Variants in RAB7A observed in about 807,000 individuals in gnomAD.
RAB7A encodes the protein ras-related protein Rab-7a.
In RAB7A, 2 loss-of-function variants were observed where a neutral mutation model predicts 24.5. That is an observed-to-expected ratio of 0.08 (90% CI 0.03 to 0.26). The LOEUF (loss-of-function observed/expected upper bound fraction) is 0.26. Among genes scored for constraint, RAB7A ranks in the 10% least tolerant of loss-of-function variants. The pLI is 1.00. For missense variants in RAB7A, 118 were observed against 255.7 expected, an observed-to-expected ratio of 0.46 and a Z score of 3.67; for synonymous variants, 100 against 95.9, an observed-to-expected ratio of 1.04 and a Z score of -0.25.
intron 5 of RAB7A, among the ~76,000 whole-genome samples, chr3:128,811,814 A>T (rs1012278924): frequency 1.3e-5 from 2 of 151,422 alleles, no homozygotes; most frequent in African/African-American, 4.9e-5. Flanking sequence ...ATGCCATTGC[A>T]CTCCAGCCTG....
chr3:128,731,009 T>C (rs1295771242), intron 1 of RAB7A, among the ~76,000 whole-genome samples: 1 of 152,228 alleles, frequency 6.6e-6, no homozygotes, highest in Non-Finnish European at 1.5e-5. Flanking sequence ...GTCCTTCTTG[T>C]GTGGCTGCTG....
At chr3:128,762,493 A>C (rs146455001) in intron 1 of RAB7A, among the ~76,000 whole-genome samples, 54 of 152,178 alleles carry the variant, frequency 3.5e-4, no homozygotes, top group African/African-American at 1.2e-3. Context: ...CCTACTTCCC[A>C]CCGTGACCCT....
intron 1 of RAB7A, among the ~76,000 whole-genome samples, chr3:128,751,534 C>T (rs1481076926): frequency 6.6e-6 from 1 of 152,188 alleles, no homozygotes; most frequent in Non-Finnish European, 1.5e-5. Flanking sequence ...TTCTACCATT[C>T]AGAACAGCTG....
chr3:128,733,375 T>C (rs1420983851), intron 1 of RAB7A, among the ~76,000 whole-genome samples: 1 of 152,246 alleles, frequency 6.6e-6, no homozygotes, highest in Non-Finnish European at 1.5e-5. Flanking sequence ...TGTACAGTTG[T>C]AACTGGAGTT....
rs147257159 is a variant in RAB7A, at chr3:128,761,469, A to G, written c.-8-33891A>G. 1.2e-3 allele frequency among the ~76,000 whole-genome samples: 187 copies of G among 152,280 alleles called. 1 individual carries two copies. The highest frequency in any genetic ancestry group is 4.1e-3 in the African/African-American group (169 of 41,558). ...GCTTATCCAGGGTCTCCTTAAACCA[A>G]GCTTGAGGTAGGGAGACTATCTTGG... is the stretch of plus-strand genomic sequence containing the variant. On this transcript the variant is annotated intron_variant, in intron 1 of 5. Transcript: ENST00000265062.
intron 2 of RAB7A, 52 bp from the exon 3 acceptor site, chr3:128,797,891 G>A: frequency 6.2e-7 from 1 of 1,601,382 alleles, no homozygotes; most frequent in Non-Finnish European, 8.5e-7. Flanking sequence ...ATTCGTGTCA[G>A]TTTCAGGACC....
At position 128,813,975 on chromosome 3, in the gene RAB7A, T is replaced by A. The variant is rs1356928242; in HGVS notation, c.*553T>A. The A allele has an allele frequency of 6.1e-6, 1 of 164,960 alleles. No homozygotes were observed. The allele number at this position is 164,960 out of a possible 1,614,324, so 10.2% of individuals were successfully genotyped here. ...TTGTATGTATCTATCTGTTAATGCTTGTTACTTTTAACTAATCAGATCTTT... is the reference window on the plus strand; with the variant it reads ...TTGTATGTATCTATCTGTTAATGCTAGTTACTTTTAACTAATCAGATCTTT... On this transcript the variant is annotated 3_prime_UTR_variant, in exon 6 of 6. Transcript: ENST00000265062.
At chr3:128,738,133 A>G (rs1003865937) in intron 1 of RAB7A, among the ~76,000 whole-genome samples, 5 of 152,074 alleles carry the variant, frequency 3.3e-5, no homozygotes, top group Non-Finnish European at 7.4e-5. Flanking sequence ...CTTGAGCTCA[A>G]GTCATCCTCC....
At chr3:128,786,682 C>G (rs1933349408) in intron 1 of RAB7A, among the ~76,000 whole-genome samples, 1 of 152,152 alleles carries the variant, frequency 6.6e-6, no homozygotes, top group South Asian at 2.1e-4. Flanking sequence ...ATATTTAGAT[C>G]ATATGTGCAA....
intron 1 of RAB7A, among the ~76,000 whole-genome samples, chr3:128,740,508 A>G (rs2070541904): frequency 6.6e-6 from 1 of 152,180 alleles, no homozygotes; most frequent in Admixed American, 6.5e-5. Flanking sequence ...TAGTTTGAGA[A>G]TTTCATTTAT....
chr3:128,790,706 A>G (rs2107608938), intron 1 of RAB7A, among the ~76,000 whole-genome samples: 1 of 152,222 alleles, frequency 6.6e-6, no homozygotes, highest in East Asian at 1.9e-4. Flanking sequence ...TGTCTGTTTC[A>G]TTGATCGGTT....
chr3:128,793,174 C>T (rs1404385033), intron 1 of RAB7A, among the ~76,000 whole-genome samples: 1 of 150,182 alleles, frequency 6.7e-6, no homozygotes, highest in African/African-American at 2.5e-5. Context: ...CAGGCACATG[C>T]CACCACGCCC....
At position 128,736,091 on chromosome 3, in the gene RAB7A, CT is replaced by C. The variant is rs962671028; in HGVS notation, c.-9+9735del. On this transcript the variant is annotated intron_variant, in intron 1 of 5. Transcript: ENST00000265062. ...TCAGAGCAAAGTACATAAACAATGT[CT>C]TTACATTTCATAGAGGTTGTTACCT... Among the ~76,000 whole-genome samples the C allele has an allele frequency of 5.3e-5, 8 of 152,056 alleles. No homozygotes were observed. The East Asian group carries it at 7.7e-4, about 15-fold the overall frequency.
At chr3:128,734,695 T>C (rs1433767963) in intron 1 of RAB7A, among the ~76,000 whole-genome samples, 2 of 152,076 alleles carry the variant, frequency 1.3e-5, no homozygotes, top group Non-Finnish European at 2.9e-5. Context: ...CCTTAGAATA[T>C]CACATTCTAT....
At chr3:128,791,722 G>A (rs1412290781) in intron 1 of RAB7A, among the ~76,000 whole-genome samples, 1 of 152,180 alleles carries the variant, frequency 6.6e-6, no homozygotes, top group Non-Finnish European at 1.5e-5. Context: ...TGCTGGGCAT[G>A]TCCTTATGGG....
intron 1 of RAB7A, among the ~76,000 whole-genome samples, chr3:128,787,719 T>A (rs1225206711): frequency 1.3e-5 from 2 of 152,250 alleles, no homozygotes; most frequent in African/African-American, 4.8e-5. Context: ...TTTTTGTTTG[T>A]CTGCTTTTTG....
intron 1 of RAB7A, among the ~76,000 whole-genome samples, chr3:128,733,723 C>T (rs972933421): frequency 3.9e-5 from 6 of 152,278 alleles, no homozygotes; most frequent in Middle Eastern, 3.4e-3. Context: ...CCCTTATGAC[C>T]TCACTTAACC....
chr3:128,738,959 T>C (rs1439914611), intron 1 of RAB7A, among the ~76,000 whole-genome samples: 1 of 152,228 alleles, frequency 6.6e-6, no homozygotes, highest in Non-Finnish European at 1.5e-5. Context: ...TTAGTCTCCA[T>C]TTCTGAAAAA....
At chr3:128,806,982 A>G (rs975575262) in intron 4 of RAB7A, among the ~76,000 whole-genome samples, 4 of 152,204 alleles carry the variant, frequency 2.6e-5, no homozygotes. Flanking sequence ...AGTTTCAAAT[A>G]CCATTTCTGT....
Sources: gnomAD v4.1 joint callset for allele counts (sites outside exome capture counted in the v4.1 genomes callset) on GRCh38, gnomAD v4.1.1 for gene constraint, MANE v1.5 for transcripts, NCBI Gene and HGNC (gene_info 2026-07-23, HGNC 2026-07-21) for gene names.